ITFG1: variants seen among roughly 807,000 people sequenced by gnomAD.
ITFG1 encodes integrin alpha FG-GAP repeat containing 1.
Under a neutral mutation model 81.8 loss-of-function variants are expected in ITFG1, and 34 were observed. The ratio of observed to expected loss-of-function variants is 0.42; its 90% CI spans 0.32 to 0.55. The LOEUF (loss-of-function observed/expected upper bound fraction) is 0.55. Ranked by LOEUF, ITFG1 falls within the 20% of genes least tolerant of loss-of-function variation. The pLI, the probability that ITFG1 is intolerant of heterozygous loss-of-function variation, is 0.17. For missense variants in ITFG1, 672 were observed against 755.4 expected, an observed-to-expected ratio of 0.89 and a Z score of 1.29; for synonymous variants, 285 against 270.6, an observed-to-expected ratio of 1.05 and a Z score of -0.52.
chr16:47,306,587 G>A (rs1182703888), intron 10 of ITFG1, among the ~76,000 whole-genome samples: 2 of 151,560 alleles, frequency 1.3e-5, no homozygotes, highest in Admixed American at 6.6e-5. Flanking sequence ...AGTCTTAAAA[G>A]CACTTAATAG....
chr16:47,328,649 G>GA (rs1967595699), intron 8 of ITFG1, among the ~76,000 whole-genome samples: 1 of 152,074 alleles, frequency 6.6e-6, no homozygotes, highest in Non-Finnish European at 1.5e-5. Flanking sequence ...CTACCAAGCA[G>GA]AGTGATACTT....
chr16:47,181,513 C>T (rs1285258143), intron 14 of ITFG1, among the ~76,000 whole-genome samples: 1 of 135,866 alleles, frequency 7.4e-6, no homozygotes, highest in Non-Finnish European at 1.6e-5. Flanking sequence ...GGGGGGTCAG[C>T]CCCCCCACCC....
At chr16:47,238,144 T>A (rs1202699567) in intron 12 of ITFG1, 136 bp from the exon 13 acceptor site, 3 of 583,750 alleles carry the variant, frequency 5.1e-6, no homozygotes, top group Non-Finnish European at 6.0e-6. Flanking sequence ...TTTCTTTAGA[T>A]CTGAGCAAAT....
intron 1 of ITFG1, among the ~76,000 whole-genome samples, chr16:47,459,800 T>C (rs1445344118): frequency 4.6e-5 from 7 of 152,184 alleles, no homozygotes; most frequent in Admixed American, 4.6e-4. Context: ...CTGTATCCAG[T>C]TTGGACACAG....
chr16:47,235,632 T>G (rs1359259721), intron 13 of ITFG1, among the ~76,000 whole-genome samples: 1 of 152,160 alleles, frequency 6.6e-6, no homozygotes, highest in Non-Finnish European at 1.5e-5. Context: ...GCCTATCAGG[T>G]GTGACAGAAC....
chr16:47,197,484 G>GC (rs549430953), intron 14 of ITFG1, among the ~76,000 whole-genome samples: 131 of 152,304 alleles, frequency 8.6e-4, no homozygotes, highest in African/African-American at 2.9e-3. Flanking sequence ...TATCTTACAT[G>GC]TATTGCTTTA....
At chr16:47,378,912 A>C (rs947607715) in intron 6 of ITFG1, among the ~76,000 whole-genome samples, 6 of 152,188 alleles carry the variant, frequency 3.9e-5, no homozygotes, top group African/African-American at 1.2e-4. Flanking sequence ...CACAAAATAA[A>C]ATTAAGGAAA....
At chr16:47,362,229 A>G (rs1968118768) in intron 8 of ITFG1, among the ~76,000 whole-genome samples, 1 of 152,100 alleles carries the variant, frequency 6.6e-6, no homozygotes. Flanking sequence ...CTGTCTCCTG[A>G]GTGGTTTCCA....
chr16:47,456,369 G>C (rs754922157), intron 2 of ITFG1, among the ~76,000 whole-genome samples: 5 of 152,112 alleles, frequency 3.3e-5, no homozygotes, highest in Non-Finnish European at 5.9e-5. Flanking sequence ...CATGAAGCTA[G>C]AACACAATAA....
chr16:47,260,439 C>G (rs907886477), intron 11 of ITFG1, 106 bp downstream of exon 11: 2 of 1,224,972 alleles, frequency 1.6e-6, no homozygotes, highest in East Asian at 4.7e-5. Context: ...AACTCATTTG[C>G]TTTTTGTTGT....
intron 8 of ITFG1, chr16:47,365,509 T>A: frequency 3.2e-6 from 1 of 314,534 alleles, no homozygotes; most frequent in Non-Finnish European, 5.8e-6. Flanking sequence ...ATACCTGGAA[T>A]TCTCTAGAAA....
At chr16:47,266,138 T>G (rs2151544232) in intron 10 of ITFG1, among the ~76,000 whole-genome samples, 1 of 152,274 alleles carries the variant, frequency 6.6e-6, no homozygotes, top group South Asian at 2.1e-4. Flanking sequence ...TCAACAAAAT[T>G]AGCCATCAGA....
chr16:47,424,064 C>G (rs1201353613), intron 6 of ITFG1, among the ~76,000 whole-genome samples: 2 of 152,242 alleles, frequency 1.3e-5, no homozygotes, highest in Non-Finnish European at 2.9e-5. Flanking sequence ...TTCAGGTACA[C>G]CAATCAAACG....
chr16:47,192,855 G>A (rs1158313807), intron 14 of ITFG1, among the ~76,000 whole-genome samples: 2 of 152,172 alleles, frequency 1.3e-5, no homozygotes, highest in African/African-American at 2.4e-5. Flanking sequence ...GAACTTGATA[G>A]GTACTCTAAG....
intron 14 of ITFG1, among the ~76,000 whole-genome samples, chr16:47,168,860 T>C (rs1053871454): frequency 6.6e-6 from 1 of 152,286 alleles, no homozygotes; most frequent in East Asian, 1.9e-4. Context: ...ACCCCTTACA[T>C]TGAGGTCCTT....
At chr16:47,416,564 T>C (rs895590776) in intron 6 of ITFG1, among the ~76,000 whole-genome samples, 1 of 152,212 alleles carries the variant, frequency 6.6e-6, no homozygotes, top group Non-Finnish European at 1.5e-5. Flanking sequence ...GAAGTATCTA[T>C]CTGGGTAATG....
At position 47,154,569 on chromosome 16, in the gene ITFG1, A is replaced by C. The variant is rs1403657694; in HGVS notation, c.*1150T>G. The C allele has an allele frequency of 6.6e-6, 1 of 152,172 alleles. No homozygotes were observed. Among genetic ancestry groups the C allele is most frequent in the Non-Finnish European group, 1.5e-5 (1 of 68,026 alleles). The allele number at this position is 152,172 out of a possible 1,614,324, so 9.4% of individuals were successfully genotyped here. ...GCATACTAGAAAATTATTAGCATTG[A>C]TAAACTTTTTTTTTTCAGTCTTAAA... On this transcript the variant is annotated 3_prime_UTR_variant, in exon 18 of 18. Transcript: ENST00000320640.
intron 6 of ITFG1, among the ~76,000 whole-genome samples, chr16:47,411,333 CCA>C (rs1394162175): frequency 6.6e-6 from 1 of 152,132 alleles, no homozygotes; most frequent in South Asian, 2.1e-4. Flanking sequence ...CAACACAACC[CCA>C]GTGATTTGGG....
chr16:47,275,176 T>TA (rs1336783740), intron 10 of ITFG1, among the ~76,000 whole-genome samples: 1 of 152,124 alleles, frequency 6.6e-6, no homozygotes, highest in Non-Finnish European at 1.5e-5. Context: ...CTGACATGTA[T>TA]GAATCTGTTA....
Sources: gnomAD v4.1 joint callset for allele counts (sites outside exome capture counted in the v4.1 genomes callset) on GRCh38, gnomAD v4.1.1 for gene constraint, MANE v1.5 for transcripts, NCBI Gene and HGNC (gene_info 2026-07-23, HGNC 2026-07-21) for gene names.